Variants in CCNL1 observed in about 807,000 individuals in gnomAD.
CCNL1 encodes the protein cyclin L1, also known as cyclin-L1.
A neutral mutation model predicts 60.6 loss-of-function variants in CCNL1; 13 were observed. The ratio of observed to expected loss-of-function variants is 0.21; its 90% CI spans 0.14 to 0.34. The LOEUF (loss-of-function observed/expected upper bound fraction) is 0.34. CCNL1 is among the 10% of genes least tolerant of loss of function. The pLI is 1.00. For missense variants in CCNL1, 481 were observed against 664.3 expected, an observed-to-expected ratio of 0.72 and a Z score of 3.03; for synonymous variants, 270 against 244.3, an observed-to-expected ratio of 1.10 and a Z score of -0.98.
downstream of CCNL1, chr3:157,146,559 G>A (rs1216156175): frequency 9.0e-6 from 4 of 443,828 alleles, no homozygotes; most frequent in Non-Finnish European, 1.8e-5. Flanking sequence ...AGGATCACTT[G>A]AGGCCAGGAG....
chr3:157,150,207 T>C (rs775814333), intron 6 of CCNL1, 38 bp from the exon 7 acceptor site: 1 of 1,608,214 alleles, frequency 6.2e-7, no homozygotes, highest in Non-Finnish European at 8.5e-7. Flanking sequence ...ATTAAATTTT[T>C]GCTAAATCTG....
chr3:157,144,459 T>C (rs963690574), downstream of CCNL1, among the ~76,000 whole-genome samples: 1 of 152,230 alleles, frequency 6.6e-6, no homozygotes, highest in African/African-American at 2.4e-5. Context: ...GTCAAGTCAC[T>C]GTGGAGGAAT....
chr3:157,158,051 T>C (rs1490048643), intron 3 of CCNL1, among the ~76,000 whole-genome samples: 1 of 152,248 alleles, frequency 6.6e-6, no homozygotes, highest in East Asian at 1.9e-4. Flanking sequence ...TATATCATTC[T>C]GCAGCATGTA....
At chr3:157,146,448 AAAC>A, downstream of CCNL1, 1 of 422,404 alleles carries the variant, frequency 2.4e-6, no homozygotes, top group East Asian at 7.3e-5. Context: ...CCATCTTCAC[AAAC>A]AACCCTCACC....
In CCNL1 at chr3:157,150,273, T is replaced by C. The variant is rs555361913; in HGVS notation, c.774+9A>G. ...ATCCTACAGAACAAAATGGGAAATATACACCTACCTGAAGTGCTCTAGCTG... is the reference window on the plus strand; with the variant it reads ...ATCCTACAGAACAAAATGGGAAATACACACCTACCTGAAGTGCTCTAGCTG... On this transcript the variant is annotated intron_variant, in intron 6 of 10. Transcript: ENST00000295926. The C allele has an allele frequency of 3.1e-6, 5 of 1,613,610 alleles. No homozygotes were observed. Among genetic ancestry groups the C allele is most frequent in the South Asian group, 2.2e-5 (2 of 91,052 alleles).
intron 3 of CCNL1, 38 bp downstream of exon 3, chr3:157,158,828 G>A (rs1424852377): frequency 1.5e-6 from 2 of 1,291,674 alleles, no homozygotes; most frequent in Non-Finnish European, 2.2e-6. Context: ...CGGTACAGCA[G>A]TAGCAAGAGA....
At chr3:157,150,884 T>A in intron 5 of CCNL1, 1 of 984,262 alleles carries the variant, frequency 1.0e-6, no homozygotes, top group Non-Finnish European at 1.2e-6. Context: ...TTAAGAAAGC[T>A]AAGATACTTA....
intron 2 of CCNL1, 121 bp from the exon 3 acceptor site, chr3:157,159,096 G>C (rs368334593): frequency 1.4e-6 from 1 of 693,524 alleles, no homozygotes; most frequent in African/African-American, 1.8e-5. Context: ...TATGCCGTAA[G>C]TCTACCAGCT....
intron 5 of CCNL1, chr3:157,150,664 C>T (rs1408891099): frequency 9.1e-7 from 1 of 1,096,784 alleles, no homozygotes; most frequent in Admixed American, 4.5e-5. Context: ...TAATATATTT[C>T]TGTAAAAAGC....
chr3:157,147,475 A>T (rs185497540), downstream of CCNL1: 210 of 573,062 alleles, frequency 3.7e-4, no homozygotes, highest in Admixed American at 7.6e-4. Flanking sequence ...GGTTCATTCA[A>T]TAGGGTACCT....
At chr3:157,156,400 TTTACTAATGAGAATGG>T (rs1738626769) in intron 3 of CCNL1, among the ~76,000 whole-genome samples, 1 of 152,216 alleles carries the variant, frequency 6.6e-6, no homozygotes, top group Non-Finnish European at 1.5e-5. Context: ...ATACATTGTA[TTTACTAATGAGAATGG>T]TTAAACCAGT....
Position 157,152,203 on chromosome 3 carries a change from A to G in CCNL1, c.648T>C (p.Arg216=). The change falls in exon 5 of 11, where the codon CGT becomes CGC. Residue 216 remains arginine, a synonymous_variant. Coordinates refer to ENST00000295926, the MANE Select transcript of CCNL1 (RefSeq NM_020307.4). ...VMYLQVLECE[R]NQTLVQTAWN... ...AGGCAGTTTGAACCAGGGTTTGATT[A>G]CGTTCACATTCTAAGACTTGTAAAT... is the stretch of plus-strand genomic sequence containing the variant. 1 of 1,612,644 alleles carries G rather than the reference A, an allele frequency of 6.2e-7. No homozygotes were observed. Among genetic ancestry groups the G allele is most frequent in the Non-Finnish European group, 8.5e-7 (1 of 1,179,428 alleles).
downstream of CCNL1, among the ~76,000 whole-genome samples, chr3:157,143,420 G>T (rs1453150815): frequency 2.0e-5 from 3 of 152,026 alleles, no homozygotes; most frequent in Non-Finnish European, 2.9e-5. Context: ...GATGATGAAG[G>T]CTTTAAAAAG....
chr3:157,150,979 T>C lies in CCNL1; in HGVS notation c.675-598A>G, dbSNP rs983304920. 5.1e-6 allele frequency: 5 copies of C among 985,000 alleles called. No homozygotes were observed. In the African/African-American group the frequency reaches 7.0e-5, roughly 14 times the overall value. 61.0% of individuals were successfully genotyped at this position (985,000 alleles called of 1,614,324 possible). The stretch of plus-strand genomic sequence containing the variant: ...CTTTTTTGTGACTAGGTAAAAGAGA[T>C]AAACTATTTCAGTTAAAAAATTGCT... On this transcript the variant is annotated intron_variant, in intron 5 of 10. Transcript: ENST00000295926.
At position 157,150,128 on chromosome 3, in the gene CCNL1, A is replaced by C; in HGVS notation, c.816T>G (p.Gly272=). 15 of 1,613,212 alleles carry C rather than the reference A, an allele frequency of 9.3e-6. No homozygotes were observed. Among genetic ancestry groups the C allele is most frequent in the Non-Finnish European group, 1.2e-5 (14 of 1,179,752 alleles). The part of the protein sequence containing the change: ...PTRPHWFLLF[G]TTEEEIQEIC... ...TTTCCTGGATTTCCTCTTCTGTAGT[A>C]CCAAAAAGAAGAAACCAATGGGGAC... is the stretch of plus-strand genomic sequence containing the variant. The change falls in exon 7 of 11, where the codon GGT becomes GGG. Residue 272 remains glycine (G), a synonymous_variant. Transcript: ENST00000295926.
rs1737858003 is a variant in CCNL1, at chr3:157,147,932, T to C, written c.*309A>G. 1 of 1,069,032 alleles carries C rather than the reference T, an allele frequency of 9.4e-7. No individual in the cohort carries two copies. The highest frequency in any genetic ancestry group is 1.7e-5 in the African/African-American group (1 of 60,248). 66.2% of individuals were successfully genotyped at this position (1,069,032 alleles called of 1,614,324 possible). A position where few individuals can be genotyped will look rare whatever the true frequency, so the allele number is the denominator to read the frequency against. ...AGAACAGTGTCTGCAATTTTATCTG[T>C]ATAAAAATAAGATACATTTTTACAG... On this transcript the variant is annotated 3_prime_UTR_variant, in exon 11 of 11. Transcript: ENST00000295926.
At chr3:157,159,682 G>C in intron 1 of CCNL1, 110 bp downstream of exon 1, 1 of 1,161,492 alleles carries the variant, frequency 8.6e-7, no homozygotes, top group Non-Finnish European at 1.2e-6. Flanking sequence ...GAACGGGAAA[G>C]CCTGAAGGAA....
At chr3:157,156,826 A>T in intron 3 of CCNL1, 1 of 878,170 alleles carries the variant, frequency 1.1e-6, no homozygotes. Context: ...TAATGACATT[A>T]ACCTATGCAA....
At chr3:157,148,684 G>A in intron 10 of CCNL1, 95 bp from the exon 11 acceptor site, 2 of 1,101,408 alleles carry the variant, frequency 1.8e-6, no homozygotes, top group East Asian at 5.0e-5. Flanking sequence ...AAAACTACCA[G>A]CTACATAAAT....
Sources: allele counts gnomAD v4.1 joint callset (sites outside exome capture counted in the v4.1 genomes callset), GRCh38; gene constraint gnomAD v4.1.1; transcripts MANE v1.5; gene names NCBI Gene and HGNC (gene_info 2026-07-23, HGNC 2026-07-21).